The following UNC13C variants were observed in gnomAD, a reference collection of about 807,000 sequenced individuals.
UNC13C encodes protein unc-13 homolog C.
UNC13C carries 174 observed loss-of-function variants against 245.4 expected under a neutral mutation model. The observed-to-expected ratio is 0.71, with a 90% CI of 0.63 to 0.80. The LOEUF is 0.80. Among genes scored for constraint, UNC13C ranks in the 30% least tolerant of loss-of-function variants. The pLI is 0.00. For synonymous variants in UNC13C, 992 were observed against 895.1 expected (o/e 1.11, Z -1.93); for missense variants, 2,829 against 2,602.9 (o/e 1.09, Z -1.89).
chr15:54,002,359 T>C (rs1355178626), intron 1 of UNC13C, among the ~76,000 whole-genome samples: 1 of 152,078 alleles, frequency 6.6e-6, no homozygotes, highest in African/African-American at 2.4e-5. Flanking sequence ...AGTAAGTCGC[T>C]TAGAAGCTCT....
At chr15:54,101,588 CT>C (rs113696432) in intron 2 of UNC13C, among the ~76,000 whole-genome samples, 4,252 of 148,482 alleles carry the variant, frequency 0.029, 187 homozygotes, top group African/African-American at 0.099. Flanking sequence ...TATCCTCCCC[CT>C]TTTTTTTTTG....
chr15:54,124,653 C>T (rs1567032508), intron 2 of UNC13C, among the ~76,000 whole-genome samples: 5 of 151,894 alleles, frequency 3.3e-5, no homozygotes, highest in East Asian at 1.9e-4. Context: ...ATAATTGATT[C>T]TTTCATATTA....
At chr15:54,078,005 C>T (rs777041372) in intron 2 of UNC13C, among the ~76,000 whole-genome samples, 1 of 152,112 alleles carries the variant, frequency 6.6e-6, no homozygotes, top group Non-Finnish European at 1.5e-5. Context: ...TCCCCAGTGT[C>T]TATTATTTCC....
At chr15:53,916,898 A>G in the UNC13C span, among the ~76,000 whole-genome samples, 1 of 152,190 alleles carries the variant, frequency 6.6e-6, no homozygotes, top group African/African-American at 2.4e-5. Context: ...ATTCTCAGCA[A>G]GCATCTTGGG....
the UNC13C span, among the ~76,000 whole-genome samples, chr15:53,928,223 A>G: frequency 6.6e-6 from 1 of 152,148 alleles, no homozygotes; most frequent in Non-Finnish European, 1.5e-5. Flanking sequence ...TTAACAGCAA[A>G]CCAGTCATTA....
chr15:54,240,603 A>G (rs1446771586), intron 7 of UNC13C, among the ~76,000 whole-genome samples: 1 of 152,160 alleles, frequency 6.6e-6, no homozygotes, highest in East Asian at 1.9e-4. Context: ...TCCTTCACTA[A>G]CGCTCTGCTG....
intron 10 of UNC13C, among the ~76,000 whole-genome samples, chr15:54,280,920 C>T (rs910921915): frequency 1.3e-4 from 19 of 151,772 alleles, no homozygotes; most frequent in African/African-American, 4.4e-4. Context: ...GCCTCAGGCT[C>T]CTGAGTAACT....
intron 2 of UNC13C, among the ~76,000 whole-genome samples, chr15:54,111,670 G>A (rs1486694916): frequency 1.3e-5 from 2 of 152,116 alleles, no homozygotes; most frequent in Non-Finnish European, 2.9e-5. Flanking sequence ...CTATACTCTG[G>A]TATAGTTCAT....
At chr15:54,020,454 TTTTTTTTTTA>T (rs1224076368) in intron 2 of UNC13C, among the ~76,000 whole-genome samples, 1 of 132,942 alleles carries the variant, frequency 7.5e-6, no homozygotes, top group Non-Finnish European at 1.6e-5. Flanking sequence ...TTTTTTTTTT[TTTTTTTTTTA>T]ATTAGAGATG....
At chr15:53,993,508 C>G (rs1403055111) in intron 1 of UNC13C, among the ~76,000 whole-genome samples, 1 of 151,990 alleles carries the variant, frequency 6.6e-6, no homozygotes, top group African/African-American at 2.4e-5. Flanking sequence ...ATGGCTGTGC[C>G]ACATCATGTC....
intron 8 of UNC13C, among the ~76,000 whole-genome samples, chr15:54,256,921 A>G (rs981923283): frequency 4.6e-5 from 7 of 152,218 alleles, no homozygotes; most frequent in Admixed American, 4.6e-4. Flanking sequence ...TCTTACTTTA[A>G]CACTGTTGCA....
At chr15:54,175,702 G>T (rs567815751) in intron 4 of UNC13C, among the ~76,000 whole-genome samples, 6 of 151,704 alleles carry the variant, frequency 4.0e-5, no homozygotes, top group African/African-American at 1.5e-4. Flanking sequence ...TAATAGAGAC[G>T]GGGTTTCACA....
chr15:54,477,504 A>C lies in UNC13C; in HGVS notation c.4934-17104A>C, dbSNP rs1375660434. On this transcript the variant is annotated intron_variant, in intron 19 of 32. Transcript: ENST00000260323. The stretch of plus-strand genomic sequence containing the variant: ...TCCCATCAATACCTAATTTATTGAG[A>C]GTTTTTAGCATGAAGCGTTGTTGAA... 6.3e-5 allele frequency among the ~76,000 whole-genome samples: 7 copies of C among 110,786 alleles called. 2 individuals are homozygous for C. The highest frequency in any genetic ancestry group is 4.1e-3 in the Middle Eastern group (1 of 242). 72.7% of individuals were successfully genotyped at this position (110,786 alleles called of 152,430 possible).
intron 26 of UNC13C, among the ~76,000 whole-genome samples, chr15:54,537,789 A>C (rs929023706): frequency 3.9e-5 from 6 of 152,102 alleles, no homozygotes; most frequent in African/African-American, 1.4e-4. Context: ...AGCCATATGC[A>C]GAAGATTAAA....
chr15:54,309,128 T>C (rs1167349390), intron 13 of UNC13C, among the ~76,000 whole-genome samples: 4 of 151,898 alleles, frequency 2.6e-5, no homozygotes, highest in African/African-American at 9.7e-5. Context: ...ATCAACAGTG[T>C]ACGAGATTCT....
chr15:54,544,117 C>A lies in UNC13C; in HGVS notation c.5697-2605C>A, dbSNP rs572193027. On this transcript the variant is annotated intron_variant, in intron 26 of 32. Coordinates refer to ENST00000260323, the MANE Select transcript of UNC13C (RefSeq NM_001080534.3). ...CTACCATGATCAAATCGGATTCACC[C>A]CAGGATCCAAGGCTGGTTCAACATA... 2.0e-5 allele frequency among the ~76,000 whole-genome samples: 3 copies of A among 152,166 alleles called. 1 individual carries two copies. Among genetic ancestry groups the A allele is most frequent in the Admixed American group, 2.0e-4 (3 of 15,278 alleles).
the UNC13C span, among the ~76,000 whole-genome samples, chr15:53,875,389 T>C: frequency 6.6e-6 from 1 of 152,174 alleles, no homozygotes; most frequent in Admixed American, 6.6e-5. Context: ...TTCTGCCTAG[T>C]CTGTATGCTC....
At chr15:53,869,045 G>A in the UNC13C span, among the ~76,000 whole-genome samples, 151 of 152,246 alleles carry the variant, frequency 9.9e-4, no homozygotes, top group African/African-American at 3.5e-3. Flanking sequence ...GGAGGTCAAG[G>A]CTGCATTGAT....
chr15:54,391,548 C>T (rs968063665), intron 17 of UNC13C, among the ~76,000 whole-genome samples: 1 of 151,970 alleles, frequency 6.6e-6, no homozygotes, highest in African/African-American at 2.4e-5. Flanking sequence ...AGAAGCTTGC[C>T]AAGAACTTTC....
Sources: gnomAD v4.1 joint callset for allele counts (sites outside exome capture counted in the v4.1 genomes callset) on GRCh38, gnomAD v4.1.1 for gene constraint, MANE v1.5 for transcripts, NCBI Gene and HGNC (gene_info 2026-07-23, HGNC 2026-07-21) for gene names.